Variants in BCL11B observed in about 807,000 individuals in gnomAD.
BCL11B encodes BCL11 transcription factor B.
A neutral mutation model predicts 49.9 loss-of-function variants in BCL11B; 8 were observed. The observed-to-expected ratio is 0.16, with a 90% CI of 0.09 to 0.29. The LOEUF (loss-of-function observed/expected upper bound fraction) is 0.29, where lower values mean the gene tolerates loss of function less well. BCL11B is among the 10% of genes least tolerant of loss of function. BCL11B has a pLI of 1.00. For synonymous variants in BCL11B, 739 were observed against 637.4 expected, an observed-to-expected ratio of 1.16 and a Z score of -2.40; for missense variants, 1,006 against 1,351.0, an observed-to-expected ratio of 0.74 and a Z score of 4.00.
chr14:99,194,754 C>T lies in BCL11B; in HGVS notation c.641-18559G>A, dbSNP rs1204227035. On this transcript the variant is annotated intron_variant, in intron 3 of 3. Transcript: ENST00000357195. The surrounding 1 kb of genome is among the most constrained non-coding windows in gnomAD (Gnocchi z 4.6). ...GGACCCAGGCTTGGATGACTTGGCT[C>T]AAAAGCAGTCTCAACCGTGGAGCAG... is the stretch of plus-strand genomic sequence containing the variant. Among the ~76,000 whole-genome samples the T allele has an allele frequency of 6.6e-6, 1 of 152,184 alleles. No homozygotes were observed. Among genetic ancestry groups the T allele is most frequent in the Non-Finnish European group, 1.5e-5 (1 of 68,016 alleles).
chr14:99,260,138 AATAG>A (rs1469257401), intron 1 of BCL11B, among the ~76,000 whole-genome samples: 1 of 152,218 alleles, frequency 6.6e-6, no homozygotes, highest in Non-Finnish European at 1.5e-5. Context: ...TTTGTTAAAA[AATAG>A]AGAGAGAGGC....
intron 3 of BCL11B, among the ~76,000 whole-genome samples, chr14:99,224,764 G>GA (rs1417573620): frequency 1.3e-5 from 2 of 152,190 alleles, no homozygotes; most frequent in African/African-American, 4.8e-5. Context: ...AGATTGGAGA[G>GA]AGGAAGTAAG....
At chr14:99,258,650 G>C (rs1350883502) in intron 1 of BCL11B, among the ~76,000 whole-genome samples, 1 of 152,176 alleles carries the variant, frequency 6.6e-6, no homozygotes. Flanking sequence ...TTGCAGAGTC[G>C]GGAAGCAGGC....
At chr14:99,177,265 G>A (rs1010243916) in intron 3 of BCL11B, among the ~76,000 whole-genome samples, 4 of 151,984 alleles carry the variant, frequency 2.6e-5, no homozygotes, top group African/African-American at 9.7e-5. Flanking sequence ...GGGCAGTCAG[G>A]ATGAACAGTG....
intron 2 of BCL11B, among the ~76,000 whole-genome samples, chr14:99,239,799 T>C (rs777255696): frequency 6.6e-6 from 1 of 152,106 alleles, no homozygotes; most frequent in Non-Finnish European, 1.5e-5. Context: ...TCCCATGAAC[T>C]CCAATGCTGG....
intron 2 of BCL11B, among the ~76,000 whole-genome samples, chr14:99,255,449 G>C (rs1468803824): frequency 6.6e-6 from 1 of 151,386 alleles, no homozygotes; most frequent in African/African-American, 2.4e-5. Flanking sequence ...GGGGGCCAGG[G>C]GGTGGAAGGA....
chr14:99,261,275 G>A (rs755699500), intron 1 of BCL11B, among the ~76,000 whole-genome samples: 7 of 152,210 alleles, frequency 4.6e-5, no homozygotes, highest in African/African-American at 7.2e-5. Context: ...TTTCACTTCC[G>A]CTGGCAGGCA....
At chr14:99,217,569 G>A (rs553152656) in intron 3 of BCL11B, among the ~76,000 whole-genome samples, 3 of 152,296 alleles carry the variant, frequency 2.0e-5, no homozygotes, top group African/African-American at 2.4e-5. Context: ...TTGCAGGTCC[G>A]CTCAGACCCT....
intron 2 of BCL11B, among the ~76,000 whole-genome samples, chr14:99,234,880 AGTCT>A (rs1888446867): frequency 5.8e-5 from 7 of 119,886 alleles, no homozygotes; most frequent in African/African-American, 6.0e-5. Flanking sequence ...AAAAAAAAAA[AGTCT>A]AAAAATAAGG....
intron 2 of BCL11B, among the ~76,000 whole-genome samples, chr14:99,244,348 C>T (rs1888762819): frequency 6.6e-6 from 1 of 151,922 alleles, no homozygotes; most frequent in African/African-American, 2.4e-5. Context: ...AAATGTACAT[C>T]CCTTTAAATG....
At chr14:99,246,063 C>T (rs1431806429) in intron 2 of BCL11B, among the ~76,000 whole-genome samples, 1 of 151,908 alleles carries the variant, frequency 6.6e-6, no homozygotes, top group African/African-American at 2.4e-5. Context: ...TCACTGCATG[C>T]CCCCCGCCCC....
At chr14:99,253,912 C>T (rs1202196366) in intron 2 of BCL11B, among the ~76,000 whole-genome samples, 1 of 152,236 alleles carries the variant, frequency 6.6e-6, no homozygotes, top group East Asian at 1.9e-4. Context: ...AGTCAGACCA[C>T]CAGCTAAAGA....
In BCL11B at chr14:99,248,347, G is replaced by C. The variant is rs1201564442; in HGVS notation, c.427+9124C>G. Among the ~76,000 whole-genome samples the C allele has an allele frequency of 1.3e-5, 2 of 152,124 alleles. No homozygotes were observed. The highest frequency in any genetic ancestry group is 2.9e-5 in the Non-Finnish European group (2 of 68,024). On this transcript the variant is annotated intron_variant, in intron 2 of 3. Coordinates refer to ENST00000357195, the MANE Select transcript of BCL11B (RefSeq NM_138576.4). The surrounding 1 kb of genome is among the most constrained non-coding windows in gnomAD (Gnocchi z 4.7). Reference sequence around the variant, plus strand: ...GCCTCTTCTTCCCTGGGTCCAACTCGAGGCTTGCAAGTCCTGATCACACCC... The same window carrying C: ...GCCTCTTCTTCCCTGGGTCCAACTCCAGGCTTGCAAGTCCTGATCACACCC...
intron 3 of BCL11B, among the ~76,000 whole-genome samples, chr14:99,199,879 G>A (rs1490084659): frequency 2.0e-5 from 3 of 151,634 alleles, no homozygotes. Flanking sequence ...AAATATATTC[G>A]AACGCTTGTT....
In BCL11B at chr14:99,234,827, A is replaced by G. The variant is rs540954315; in HGVS notation, c.428-3270T>C. On this transcript the variant is annotated intron_variant, in intron 2 of 3. Coordinates refer to ENST00000357195, the MANE Select transcript of BCL11B (RefSeq NM_138576.4). Reference sequence around the variant, plus strand: ...GCAAAGACCTGCAAGACACTCCCAAAAAAACGCTGGCTTTGGAGGTCTATG... The same window carrying G: ...GCAAAGACCTGCAAGACACTCCCAAGAAAACGCTGGCTTTGGAGGTCTATG... 2.0e-5 allele frequency among the ~76,000 whole-genome samples: 3 copies of G among 150,680 alleles called. No homozygotes were observed. The South Asian group carries it at 6.4e-4, about 32-fold the overall frequency.
intron 3 of BCL11B, among the ~76,000 whole-genome samples, chr14:99,199,883 G>T (rs925402314): frequency 2.6e-5 from 4 of 151,772 alleles, no homozygotes; most frequent in Non-Finnish European, 5.9e-5. Context: ...ATATTCGAAC[G>T]CTTGTTGGTA....
chr14:99,175,772 G>A lies in BCL11B; in HGVS notation c.1064C>T (p.Ala355Val), dbSNP rs759690552. The change falls in exon 4 of 4, where the codon GCC becomes GTC. Residue 355 changes from alanine to valine, a missense_variant. Transcript: ENST00000357195. ...GAAGTCCATGGCGGGCGAGTCGATG[G>A]CCATGGGGTTCAGGCGCATGACTCG... ...FDRVMRLNPMAIDSPAMDFSR... is the reference protein window; with the variant it reads ...FDRVMRLNPMVIDSPAMDFSR... The A allele has an allele frequency of 1.4e-6, 2 of 1,470,258 alleles. No individual in the cohort carries two copies. The highest frequency in any genetic ancestry group is 5.1e-5 in the East Asian group (2 of 38,960). The allele number at this position is 1,470,258 out of a possible 1,614,324, so 91.1% of individuals were successfully genotyped here.
chr14:99,271,324 G>A lies in BCL11B; in HGVS notation c.-106C>T. 4 of 753,294 alleles carry A rather than the reference G, an allele frequency of 5.3e-6. No individual in the cohort carries two copies. The East Asian group carries it at 1.1e-4, about 21-fold the overall frequency. The allele number at this position is 753,294 out of a possible 1,614,324, so 46.7% of individuals were successfully genotyped here. ...CGCCGCTGCCGCCGCTGCCGCCGCC[G>A]CCGCCGCCGCCGCACCTCCTCCTCT... is the stretch of plus-strand genomic sequence containing the variant. On this transcript the variant is annotated 5_prime_UTR_variant, in exon 1 of 4. Coordinates refer to ENST00000357195, the MANE Select transcript of BCL11B (RefSeq NM_138576.4).
At chr14:99,212,360 G>A (rs982675873) in intron 3 of BCL11B, among the ~76,000 whole-genome samples, 4 of 152,186 alleles carry the variant, frequency 2.6e-5, no homozygotes, top group Non-Finnish European at 5.9e-5. Context: ...GCCTGGGCGG[G>A]CAGCCAACAC....
Sources: gnomAD v4.1 joint callset for allele counts (sites outside exome capture counted in the v4.1 genomes callset) on GRCh38, gnomAD v4.1.1 for gene constraint, Gnocchi (gnomAD v3.1) non-coding constraint, MANE v1.5 for transcripts, NCBI Gene and HGNC (gene_info 2026-07-23, HGNC 2026-07-21) for gene names.